Variants in PODXL2 observed in about 807,000 individuals in gnomAD.
The protein encoded by PODXL2 is podocalyxin-like protein 2.
PODXL2 carries 17 observed loss-of-function variants against 53.4 expected under a neutral mutation model. The ratio of observed to expected loss-of-function variants is 0.32; its 90% CI spans 0.22 to 0.48. The LOEUF is 0.48. Ranked by LOEUF, PODXL2 falls within the 20% of genes least tolerant of loss-of-function variation. PODXL2 has a pLI of 0.99. For missense variants in PODXL2, 673 were observed against 760.0 expected (o/e 0.89, Z 1.35); for synonymous variants, 311 against 306.7 (o/e 1.01, Z -0.15).
At chr3:127,649,860 G>A (rs139746640) in intron 2 of PODXL2, among the ~76,000 whole-genome samples, 3 of 152,262 alleles carry the variant, frequency 2.0e-5, no homozygotes, top group East Asian at 1.9e-4. Flanking sequence ...TTGCTTGAAC[G>A]CAGGAGACAG....
chr3:127,663,225 AT>A (rs2074778025), intron 4 of PODXL2, among the ~76,000 whole-genome samples: 1 of 152,188 alleles, frequency 6.6e-6, no homozygotes, highest in African/African-American at 2.4e-5. Context: ...TAGCATTTTC[AT>A]CCCCTCTTCC....
At chr3:127,644,327 G>A (rs1373485490) in intron 2 of PODXL2, among the ~76,000 whole-genome samples, 1 of 152,072 alleles carries the variant, frequency 6.6e-6, no homozygotes, top group Non-Finnish European at 1.5e-5. Context: ...CAGGCTGACT[G>A]AACTCCTGAC....
chr3:127,645,461 C>T (rs955270606), intron 2 of PODXL2, among the ~76,000 whole-genome samples: 3 of 152,224 alleles, frequency 2.0e-5, no homozygotes, highest in African/African-American at 7.2e-5. Context: ...TTTGCCAGCT[C>T]TGACCAATGA....
At chr3:127,643,666 T>G (rs1444305690) in intron 2 of PODXL2, among the ~76,000 whole-genome samples, 1 of 150,480 alleles carries the variant, frequency 6.6e-6, no homozygotes, top group Non-Finnish European at 1.5e-5. Context: ...GGACACAGGG[T>G]CTCGCTTTGT....
rs1464228330 is a variant in PODXL2, at chr3:127,660,871, T to C, written c.843T>C (p.Ala281=). The change falls in exon 3 of 8, where the codon GCT becomes GCC. Residue 281 remains alanine, a synonymous_variant. Transcript: ENST00000342480. ...CAGGGCTTGGGGTAGAGTTCGAGGC[T>C]CCTCAGGAAGCAAGCGAGGAAGCCA... ...PAAGLGVEFE[A]PQEASEEATA... The C allele has an allele frequency of 6.2e-7, 1 of 1,614,178 alleles. No individual in the cohort carries two copies. Among genetic ancestry groups the C allele is most frequent in the Non-Finnish European group, 8.5e-7 (1 of 1,180,042 alleles).
chr3:127,639,276 T>C lies in PODXL2; in HGVS notation c.102T>C (p.Ser34=), dbSNP rs1576427114. 5 of 1,611,588 alleles carry C rather than the reference T, an allele frequency of 3.1e-6. No homozygotes were observed. The highest frequency in any genetic ancestry group is 4.2e-6 in the Non-Finnish European group (5 of 1,179,488). Residue 34 remains serine (S), a synonymous_variant, in exon 2 of 8, where the codon TCT becomes TCC. Coordinates refer to ENST00000342480, the MANE Select transcript of PODXL2 (RefSeq NM_015720.4). ...TCCTGGGTGCCTGTGTGGCTGGGTCTGATGAGCCTGGCCCAGAGGGCCTCA... is the reference window on the plus strand; with the variant it reads ...TCCTGGGTGCCTGTGTGGCTGGGTCCGATGAGCCTGGCCCAGAGGGCCTCA... ...GAFLGACVAG[S]DEPGPEGLTS...
chr3:127,639,204 C>T (rs762606632), intron 1 of PODXL2, 41 bp from the exon 2 acceptor site: 39 of 1,537,314 alleles, frequency 2.5e-5, no homozygotes, highest in Non-Finnish European at 3.4e-5. Flanking sequence ...CTTGTGTCTT[C>T]TCTAGCCTCC....
chr3:127,671,507 C>G lies in PODXL2; in HGVS notation c.1499C>G (p.Thr500Arg). ...RASQVRSDYG[T>R]LFVVLVVIGA... Reference sequence around the variant, plus strand: ...AGCCAGGTGCGCAGCGACTACGGCACGCTCTTCGTGGTGCTGGTGGTCATT... The same window carrying G: ...AGCCAGGTGCGCAGCGACTACGGCAGGCTCTTCGTGGTGCTGGTGGTCATT... Residue 500 changes from threonine (T) to arginine (R), a missense_variant, in exon 7 of 8, where the codon ACG (threonine) becomes AGG (arginine). Transcript: ENST00000342480. 2 of 1,614,148 alleles carry G rather than the reference C, an allele frequency of 1.2e-6. No homozygotes were observed. Among genetic ancestry groups the G allele is most frequent in the Non-Finnish European group, 1.7e-6 (2 of 1,180,022 alleles).
At chr3:127,648,407 A>G (rs979397804) in intron 2 of PODXL2, among the ~76,000 whole-genome samples, 3 of 152,168 alleles carry the variant, frequency 2.0e-5, no homozygotes, top group African/African-American at 7.2e-5. Context: ...TGTCCTTAGG[A>G]TGGGCCGATA....
chr3:127,642,301 A>T (rs1490987535), intron 2 of PODXL2, among the ~76,000 whole-genome samples: 2 of 151,922 alleles, frequency 1.3e-5, no homozygotes, highest in Non-Finnish European at 2.9e-5. Flanking sequence ...GAAAAAAAAA[A>T]AAAAAAAGAT....
Position 127,672,552 on chromosome 3 carries a change from G to A in PODXL2, c.*72G>A. On this transcript the variant is annotated 3_prime_UTR_variant, in exon 8 of 8. Coordinates refer to ENST00000342480, the MANE Select transcript of PODXL2 (RefSeq NM_015720.4). ...TGGACCCCGAAACGGACGGCCCGGA[G>A]CCCGCACCAGCCCCGCGCCTACCCG... 2 of 994,864 alleles carry A rather than the reference G, an allele frequency of 2.0e-6. No individual in the cohort carries two copies. Among genetic ancestry groups the A allele is most frequent in the Non-Finnish European group, 1.4e-6 (1 of 721,708 alleles). The allele number at this position is 994,864 out of a possible 1,614,324, so 61.6% of individuals were successfully genotyped here.
In PODXL2 at chr3:127,668,456, C is replaced by T. The variant is rs1233633042; in HGVS notation, c.1222C>T (p.His408Tyr). Reference protein sequence around the residue: ...ENIDCEVFRQHRGPQLLALVE... With the variant: ...ENIDCEVFRQYRGPQLLALVE... ...GCCCTTGTAGGAGGTGTTCCGGCAG[C>T]ACCGGGGGCCACAGCTCCTGGCCCT... Residue 408 changes from histidine to tyrosine, a missense_variant, in exon 5 of 8, where the codon CAC becomes TAC. His to Tyr is a moderately conservative substitution (Grantham distance 83). Around this residue, in one of 3 missense-constraint regions of PODXL2, gnomAD observed 588 missense variants for 668.3 expected, o/e 0.88. Coordinates refer to ENST00000342480, the MANE Select transcript of PODXL2 (RefSeq NM_015720.4). 6 of 1,546,988 alleles carry T rather than the reference C, an allele frequency of 3.9e-6. No homozygotes were observed.
chr3:127,630,121 T>G (rs1576424668), intron 1 of PODXL2, among the ~76,000 whole-genome samples: 4 of 147,040 alleles, frequency 2.7e-5, no homozygotes, highest in South Asian at 2.2e-4. Context: ...GTGGAGGGGG[T>G]GTGTAGGGAG....
chr3:127,636,883 G>A (rs796599802), intron 1 of PODXL2, among the ~76,000 whole-genome samples: 12 of 152,230 alleles, frequency 7.9e-5, no homozygotes, highest in African/African-American at 2.9e-4. Flanking sequence ...GAGTGCAATG[G>A]CACCATCTTG....
At position 127,655,186 on chromosome 3, in the gene PODXL2, A is replaced by AC. The variant is rs561368843; in HGVS notation, c.350-5186dup. Among the ~76,000 whole-genome samples, 513 of 151,520 alleles carry AC rather than the reference A, an allele frequency of 3.4e-3. 4 individuals are homozygous for AC. Among genetic ancestry groups the AC allele is most frequent in the South Asian group, 0.012 (56 of 4,782 alleles). On this transcript the variant is annotated intron_variant, in intron 2 of 7. Transcript: ENST00000342480. ...TTGAACTCCTGACCTCAGGTGATCC[A>AC]CCCCCCGCTTGGCCTCCCAAAGTAC...
chr3:127,662,080 G>C (rs981682915), intron 3 of PODXL2, among the ~76,000 whole-genome samples, 157 bp from the exon 4 acceptor site: 1 of 152,176 alleles, frequency 6.6e-6, no homozygotes, highest in African/African-American at 2.4e-5. Flanking sequence ...TCCTTGGCAT[G>C]GTGCCTCACA....
intron 4 of PODXL2, among the ~76,000 whole-genome samples, chr3:127,666,468 C>T (rs1231150021): frequency 6.6e-6 from 1 of 152,006 alleles, no homozygotes; most frequent in Non-Finnish European, 1.5e-5. Context: ...AGTACAGTGG[C>T]ACAATGTCAG....
chr3:127,671,668 A>G, intron 7 of PODXL2, 55 bp downstream of exon 7: 1 of 1,531,036 alleles, frequency 6.5e-7, no homozygotes, highest in Non-Finnish European at 9.0e-7. Context: ...GTGCCCATCG[A>G]TAGGTGTCCT....
Position 127,672,288 on chromosome 3 carries a change from C to A in PODXL2, c.1626C>A (p.Arg542=). 2 of 1,546,208 alleles carry A rather than the reference C, an allele frequency of 1.3e-6. No individual in the cohort carries two copies. The highest frequency in any genetic ancestry group is 1.7e-6 in the Non-Finnish European group (2 of 1,147,222). ...CTCAGTCGCACGGCGAGGAGCTGCG[C>A]TTCGTGGAGAACGGCTGCCACGACA... The part of the protein sequence containing the change: ...LKHVSHGEEL[R]FVENGCHDNP... Residue 542 remains arginine, a synonymous_variant, in exon 8 of 8, where the codon CGC becomes CGA. Transcript: ENST00000342480.
Sources: gnomAD v4.1 joint callset for allele counts (sites outside exome capture counted in the v4.1 genomes callset) on GRCh38, gnomAD v4.1.1 for gene constraint, gnomAD v4.1.1 regional missense constraint, MANE v1.5 for transcripts, NCBI Gene and HGNC (gene_info 2026-07-23, HGNC 2026-07-21) for gene names.